Variants in AMPH observed in about 807,000 individuals in gnomAD.
AMPH encodes amphiphysin.
In AMPH, 49 loss-of-function variants were observed where a neutral mutation model predicts 99.1. The ratio of observed to expected loss-of-function variants is 0.49; its 90% CI spans 0.39 to 0.63. The LOEUF is 0.63. Among genes scored for constraint, AMPH ranks in the 20% least tolerant of loss-of-function variants. The pLI is 0.00. For missense variants in AMPH, 759 were observed against 863.4 expected (o/e 0.88, Z 1.52); for synonymous variants, 314 against 317.3 (o/e 0.99, Z 0.11).
At chr7:38,627,634 G>T (rs536771389) in intron 1 of AMPH, among the ~76,000 whole-genome samples, 26 of 114,870 alleles carry the variant, frequency 2.3e-4, no homozygotes, top group Non-Finnish European at 3.9e-4. Flanking sequence ...CAGCCTGGGT[G>T]ACAGAGCGAG....
intron 7 of AMPH, among the ~76,000 whole-genome samples, chr7:38,472,638 A>G (rs925475910): frequency 1.3e-5 from 2 of 152,206 alleles, no homozygotes; most frequent in African/African-American, 4.8e-5. Flanking sequence ...ATTATGGTTG[A>G]GTAATCTGGA....
At chr7:38,428,695 G>A in intron 14 of AMPH, 1 of 456,570 alleles carries the variant, frequency 2.2e-6, no homozygotes, top group Non-Finnish European at 4.4e-6. Flanking sequence ...AAGATATCTG[G>A]GTGATTGGCA....
At chr7:38,429,456 T>A (rs559252947) in intron 14 of AMPH, 2 of 1,300,910 alleles carry the variant, frequency 1.5e-6, no homozygotes, top group Admixed American at 2.3e-5. Flanking sequence ...TGTACTAGCG[T>A]CAGGGCCCCA....
At chr7:38,623,568 A>T (rs1794140630) in intron 1 of AMPH, among the ~76,000 whole-genome samples, 1 of 152,224 alleles carries the variant, frequency 6.6e-6, no homozygotes. Context: ...GCAACAAAAG[A>T]GATTTCAGAT....
intron 17 of AMPH, among the ~76,000 whole-genome samples, chr7:38,401,083 TA>T (rs1395515990): frequency 6.6e-6 from 1 of 152,226 alleles, no homozygotes; most frequent in Admixed American, 6.5e-5. Flanking sequence ...TATAATACTT[TA>T]TTGCTTATTC....
In AMPH at chr7:38,405,813, C is replaced by G. The variant is rs563921340; in HGVS notation, c.1399-11599G>C. Reference sequence around the variant, plus strand: ...CCCACTGATAGCATCAGACTGATCACCAAGGCAGAAAACTAACACAGAAAC... The same window carrying G: ...CCCACTGATAGCATCAGACTGATCAGCAAGGCAGAAAACTAACACAGAAAC... On this transcript the variant is annotated intron_variant, in intron 17 of 20. Transcript: ENST00000356264. Among the ~76,000 whole-genome samples, 3 of 152,218 alleles carry G rather than the reference C, an allele frequency of 2.0e-5. No homozygotes were observed. In the South Asian group the frequency reaches 6.2e-4, roughly 32 times the overall value.
chr7:38,433,854 C>G (rs1385453339), intron 12 of AMPH, among the ~76,000 whole-genome samples: 1 of 151,598 alleles, frequency 6.6e-6, no homozygotes, highest in African/African-American at 2.4e-5. Flanking sequence ...TTTATCAGTC[C>G]TCAGGATCAT....
intron 1 of AMPH, among the ~76,000 whole-genome samples, chr7:38,610,583 C>A (rs554012442): frequency 6.6e-6 from 1 of 151,870 alleles, no homozygotes; most frequent in African/African-American, 2.4e-5. Flanking sequence ...AGGCACTATG[C>A]TAGACTTTTA....
chr7:38,387,951 T>C (rs1784390667), intron 20 of AMPH, among the ~76,000 whole-genome samples: 1 of 151,668 alleles, frequency 6.6e-6, no homozygotes, highest in Non-Finnish European at 1.5e-5. Context: ...CAGAAAACAA[T>C]GAAACATGTT....
chr7:38,620,521 T>C (rs1411082790), intron 1 of AMPH, among the ~76,000 whole-genome samples: 1 of 149,330 alleles, frequency 6.7e-6, no homozygotes, highest in Admixed American at 6.7e-5. Context: ...GGACCATCTA[T>C]GCATCTATGC....
intron 11 of AMPH, among the ~76,000 whole-genome samples, chr7:38,454,266 A>G (rs1172462640): frequency 6.6e-6 from 1 of 152,192 alleles, no homozygotes; most frequent in East Asian, 1.9e-4. Flanking sequence ...TGAGGTCCCT[A>G]TTATTATCAA....
intron 20 of AMPH, among the ~76,000 whole-genome samples, chr7:38,387,230 T>C (rs1252138735): frequency 1.3e-5 from 2 of 152,108 alleles, no homozygotes; most frequent in African/African-American, 4.8e-5. Context: ...CTAGTATCAA[T>C]TAAAAAATTA....
At chr7:38,434,595 C>CTTTTTTTTTATTTTTGTATT (rs1786183921) in intron 12 of AMPH, among the ~76,000 whole-genome samples, 1 of 152,032 alleles carries the variant, frequency 6.6e-6, no homozygotes, top group Non-Finnish European at 1.5e-5. Flanking sequence ...AAAAATTAGC[C>CTTTTTTTTTATTTTTGTATT]AGTCGTGGTG....
intron 18 of AMPH, among the ~76,000 whole-genome samples, chr7:38,393,290 A>T (rs1343941745): frequency 6.6e-6 from 1 of 152,214 alleles, no homozygotes; most frequent in East Asian, 1.9e-4. Context: ...TTGAAAACTT[A>T]TTGGGAGTAA....
chr7:38,384,619 G>A lies in AMPH; in HGVS notation c.*199C>T, dbSNP rs1038259216. The A allele has an allele frequency of 1.2e-5, 6 of 505,540 alleles. No individual in the cohort carries two copies. The highest frequency in any genetic ancestry group is 5.5e-4 in the Middle Eastern group (1 of 1,814). The allele number at this position is 505,540 out of a possible 1,614,324, so 31.3% of individuals were successfully genotyped here. ...AACCTGTTATTGACAACATGGGAAT[G>A]AGTGAGGATTTTTTCCTTAATTTAC... On this transcript the variant is annotated 3_prime_UTR_variant, in exon 21 of 21. Coordinates refer to ENST00000356264, the MANE Select transcript of AMPH (RefSeq NM_001635.4).
chr7:38,452,499 G>T (rs1233575574), intron 11 of AMPH, among the ~76,000 whole-genome samples: 2 of 152,032 alleles, frequency 1.3e-5, no homozygotes, highest in African/African-American at 2.4e-5. Flanking sequence ...TACGTAGCTC[G>T]ACCTATAATC....
At chr7:38,569,557 T>C (rs1188502683) in intron 1 of AMPH, among the ~76,000 whole-genome samples, 2 of 151,210 alleles carry the variant, frequency 1.3e-5, no homozygotes, top group African/African-American at 4.9e-5. Flanking sequence ...TAAAGAAAAA[T>C]AATGGCTGGA....
chr7:38,551,542 G>T lies in AMPH; in HGVS notation c.70-16531C>A, dbSNP rs1037625248. On this transcript the variant is annotated intron_variant, in intron 1 of 20. Coordinates refer to ENST00000356264, the MANE Select transcript of AMPH (RefSeq NM_001635.4). ...TTAGCATACAGTATATTTAAATTATGCTGCGAAAAGTGGCCAGTATTAGAG... is the reference window on the plus strand; with the variant it reads ...TTAGCATACAGTATATTTAAATTATTCTGCGAAAAGTGGCCAGTATTAGAG... 3.3e-5 allele frequency among the ~76,000 whole-genome samples: 5 copies of T among 152,108 alleles called. 1 individual carries two copies. The highest frequency in any genetic ancestry group is 1.2e-4 in the African/African-American group (5 of 41,416).
At chr7:38,405,502 G>A (rs571539821) in intron 17 of AMPH, among the ~76,000 whole-genome samples, 99 of 152,204 alleles carry the variant, frequency 6.5e-4, no homozygotes, top group African/African-American at 2.2e-3. Context: ...AAAGGGGCTG[G>A]AAATGATATA....
Sources: gnomAD v4.1 joint callset for allele counts (sites outside exome capture counted in the v4.1 genomes callset) on GRCh38, gnomAD v4.1.1 for gene constraint, MANE v1.5 for transcripts, NCBI Gene and HGNC (gene_info 2026-07-23, HGNC 2026-07-21) for gene names.